PRKN: variants seen among roughly 807,000 people sequenced by gnomAD.
PRKN encodes the protein parkin RBR E3 ubiquitin protein ligase.
Under a neutral mutation model 59.5 loss-of-function variants are expected in PRKN, and 56 were observed. The observed-to-expected ratio is 0.94, with a 90% confidence interval of 0.76 to 1.18. The LOEUF is 1.18. Among genes scored for constraint, PRKN ranks in the 50% most tolerant of loss-of-function variants. PRKN has a pLI of 0.00. For missense variants in PRKN, 657 were observed against 596.4 expected, an observed-to-expected ratio of 1.10 and a Z score of -1.06; for synonymous variants, 250 against 222.1, an observed-to-expected ratio of 1.13 and a Z score of -1.12.
rs140623068 is a variant in PRKN, at chr6:162,583,678, T to A, written c.8-140205A>T. On this transcript the variant is annotated intron_variant, in intron 1 of 11. Transcript: ENST00000366898. ...AGAGGGCAGCCATTCTAAAGAGTTA[T>A]CCCTCTCTGCAAGTAGCGAGACTCA... Among the ~76,000 whole-genome samples, 42 of 152,280 alleles carry A rather than the reference T, an allele frequency of 2.8e-4. No homozygotes were observed. In the East Asian group the frequency reaches 8.1e-3, roughly 29 times the overall value.
At chr6:161,893,822 G>C (rs1777505761) in intron 6 of PRKN, among the ~76,000 whole-genome samples, 1 of 152,130 alleles carries the variant, frequency 6.6e-6, no homozygotes, top group South Asian at 2.1e-4. Flanking sequence ...TTACTCTGTG[G>C]ATTCTGAGAC....
At chr6:161,507,903 G>A (rs934672113) in intron 9 of PRKN, among the ~76,000 whole-genome samples, 3 of 152,036 alleles carry the variant, frequency 2.0e-5, no homozygotes, top group Non-Finnish European at 2.9e-5. Context: ...GCAAAACATA[G>A]GTCCAGGTTT....
intron 6 of PRKN, among the ~76,000 whole-genome samples, chr6:161,789,446 T>C (rs1790553780): frequency 6.6e-6 from 1 of 152,202 alleles, no homozygotes; most frequent in African/African-American, 2.4e-5. Context: ...ATTCTTCTAG[T>C]TCCTGTACAC....
At chr6:162,305,672 A>G (rs1316450840) in intron 2 of PRKN, among the ~76,000 whole-genome samples, 1 of 152,160 alleles carries the variant, frequency 6.6e-6, no homozygotes, top group South Asian at 2.1e-4. Context: ...TGTTAAATCA[A>G]TGTTGTCAGC....
At chr6:161,422,922 C>G (rs1788170850) in intron 9 of PRKN, among the ~76,000 whole-genome samples, 1 of 152,180 alleles carries the variant, frequency 6.6e-6, no homozygotes, top group Non-Finnish European at 1.5e-5. Context: ...TTTTCTAGGG[C>G]TGACATCGAC....
chr6:161,550,211 A>T lies in PRKN; in HGVS notation c.934-1208T>A, dbSNP rs139548298. ...GGGGGGCAGTGGGGCGGAGGCAGAG[A>T]GAACAAGGAGGGAAAAAAACAGAAG... On this transcript the variant is annotated intron_variant, in intron 8 of 11. Transcript: ENST00000366898. This position sits in a 1 kb window ranked among gnomAD's most constrained non-coding sequence, Gnocchi z 4.0. Among the ~76,000 whole-genome samples the T allele has an allele frequency of 6.9e-3, 1,044 of 152,284 alleles. 17 individuals are homozygous for T. Among genetic ancestry groups the T allele is most frequent in the African/African-American group, 0.024 (997 of 41,550 alleles).
At chr6:162,607,648 G>C (rs1781977586) in intron 1 of PRKN, among the ~76,000 whole-genome samples, 1 of 152,000 alleles carries the variant, frequency 6.6e-6, no homozygotes, top group South Asian at 2.1e-4. Flanking sequence ...ATAATCAATA[G>C]AGTTAACTTT....
intron 6 of PRKN, among the ~76,000 whole-genome samples, chr6:161,900,910 T>TTATATA (rs377407497): frequency 1.2e-3 from 167 of 138,728 alleles, no homozygotes; most frequent in African/African-American, 2.6e-3. Flanking sequence ...ATATGTTAAA[T>TTATATA]TGTATATATA....
At chr6:162,333,000 A>G (rs773484390) in intron 2 of PRKN, among the ~76,000 whole-genome samples, 2 of 152,208 alleles carry the variant, frequency 1.3e-5, no homozygotes, top group Non-Finnish European at 2.9e-5. Context: ...AAAGACCAGT[A>G]GCAGAATCTT....
intron 5 of PRKN, among the ~76,000 whole-genome samples, chr6:162,033,882 G>C (rs1003665090): frequency 2.1e-4 from 32 of 152,034 alleles, no homozygotes; most frequent in African/African-American, 6.0e-4. Context: ...ACAAATATTT[G>C]TAGAATGCAT....
chr6:161,916,720 TC>T (rs1315218506), intron 6 of PRKN, among the ~76,000 whole-genome samples: 1 of 152,232 alleles, frequency 6.6e-6, no homozygotes, highest in African/African-American at 2.4e-5. Flanking sequence ...TCTACCCGGT[TC>T]CGTTCCTTAC....
intron 1 of PRKN, among the ~76,000 whole-genome samples, chr6:162,489,698 G>A (rs1383915778): frequency 6.6e-6 from 1 of 152,136 alleles, no homozygotes; most frequent in Non-Finnish European, 1.5e-5. Context: ...CTATCAACTT[G>A]GAGAAAAATT....
At chr6:161,820,259 TGGG>T (rs1376028395) in intron 6 of PRKN, among the ~76,000 whole-genome samples, 12 of 151,994 alleles carry the variant, frequency 7.9e-5, no homozygotes, top group Admixed American at 6.6e-4. Context: ...ACATTGCTAG[TGGG>T]AATATAAATT....
intron 5 of PRKN, among the ~76,000 whole-genome samples, chr6:162,009,097 A>T (rs1782377837): frequency 6.6e-6 from 1 of 151,828 alleles, no homozygotes; most frequent in Non-Finnish European, 1.5e-5. Context: ...TACTAAAAAT[A>T]CAAAAATTAG....
chr6:161,476,743 G>T (rs1463101131), intron 9 of PRKN, among the ~76,000 whole-genome samples: 1 of 152,204 alleles, frequency 6.6e-6, no homozygotes, highest in African/African-American at 2.4e-5. Context: ...CTGGAGATGT[G>T]CTGGAATTAG....
At chr6:161,860,131 AAATATT>A (rs1446023167) in intron 6 of PRKN, among the ~76,000 whole-genome samples, 12 of 152,236 alleles carry the variant, frequency 7.9e-5, no homozygotes, top group African/African-American at 2.9e-4. Flanking sequence ...ATCATTAAGA[AAATATT>A]AACTGCAAAT....
At chr6:162,726,178 G>A (rs1371660723) in intron 1 of PRKN, among the ~76,000 whole-genome samples, 3 of 152,068 alleles carry the variant, frequency 2.0e-5, no homozygotes, top group African/African-American at 4.8e-5. Context: ...TAGATCTTAA[G>A]TGCTTGTCTT....
intron 9 of PRKN, among the ~76,000 whole-genome samples, chr6:161,450,900 C>T (rs574023237): frequency 1.3e-5 from 2 of 152,218 alleles, no homozygotes; most frequent in East Asian, 3.9e-4. Context: ...AATATCATAC[C>T]ATTAATGTAA....
chr6:161,555,120 G>C (rs2115444490), intron 8 of PRKN, among the ~76,000 whole-genome samples: 1 of 152,108 alleles, frequency 6.6e-6, no homozygotes, highest in Admixed American at 6.5e-5. Flanking sequence ...AATTCCAACA[G>C]CTTATCTCAA....
Sources: allele counts gnomAD v4.1 joint callset (sites outside exome capture counted in the v4.1 genomes callset), GRCh38; gene constraint gnomAD v4.1.1; non-coding constraint Gnocchi (gnomAD v3.1); transcripts MANE v1.5; gene names NCBI Gene and HGNC (gene_info 2026-07-23, HGNC 2026-07-21).